MYOM1: variants seen among roughly 807,000 people sequenced by gnomAD.
The protein encoded by MYOM1 is myomesin 1.
A neutral mutation model predicts 205.3 loss-of-function variants in MYOM1; 164 were observed. That is an observed-to-expected ratio of 0.80 (90% CI 0.70 to 0.91). The LOEUF (loss-of-function observed/expected upper bound fraction) is 0.91. MYOM1 is among the 40% of genes least tolerant of loss of function. The probability of loss-of-function intolerance (pLI) is 0.00; values close to 1 mark genes in which losing one functional copy is unlikely to be tolerated. For missense variants in MYOM1, 2,011 were observed against 2,127.3 expected (o/e 0.95, Z 1.08); for synonymous variants, 772 against 789.4 (o/e 0.98, Z 0.37).
chr18:3,091,182 G>A (rs1433430638), intron 26 of MYOM1, among the ~76,000 whole-genome samples: 6 of 152,116 alleles, frequency 3.9e-5, no homozygotes, highest in Non-Finnish European at 7.4e-5. Context: ...CTGGTGTGGT[G>A]GGATGCGCCT....
chr18:3,177,758 C>T (rs1197915180), intron 5 of MYOM1, among the ~76,000 whole-genome samples: 1 of 152,180 alleles, frequency 6.6e-6, no homozygotes, highest in East Asian at 1.9e-4. Flanking sequence ...CAGGTGTGAG[C>T]CACTATGCTC....
At chr18:3,085,994 G>T in intron 30 of MYOM1, 44 bp downstream of exon 30, 1 of 1,238,672 alleles carries the variant, frequency 8.1e-7, no homozygotes. Context: ...TAAGATAGAG[G>T]GTAGAGAGCT....
chr18:3,137,713 C>T (rs183757951), intron 14 of MYOM1, among the ~76,000 whole-genome samples: 1 of 151,990 alleles, frequency 6.6e-6, no homozygotes, highest in Non-Finnish European at 1.5e-5. Context: ...CACAAAAATA[C>T]AATTAGAAGA....
chr18:3,094,419 G>C, intron 25 of MYOM1, 113 bp from the exon 26 acceptor site: 1 of 1,116,086 alleles, frequency 9.0e-7, no homozygotes, highest in Non-Finnish European at 1.2e-6. Context: ...TGACAATGTA[G>C]CACCTGCTTC....
intron 20 of MYOM1, among the ~76,000 whole-genome samples, chr18:3,118,049 G>A (rs968418632): frequency 2.0e-4 from 30 of 152,104 alleles, no homozygotes; most frequent in African/African-American, 6.5e-4. Flanking sequence ...TTTCCTAGCA[G>A]CTCTAGTCTA....
At chr18:3,099,736 A>G (rs1189797733) in intron 25 of MYOM1, among the ~76,000 whole-genome samples, 5 of 152,252 alleles carry the variant, frequency 3.3e-5, no homozygotes, top group Non-Finnish European at 7.3e-5. Context: ...CACTGTCTTT[A>G]TATTGTCTTT....
At chr18:3,225,598 G>T in the MYOM1 span, among the ~76,000 whole-genome samples, 2 of 152,170 alleles carry the variant, frequency 1.3e-5, no homozygotes, top group Non-Finnish European at 2.9e-5. Flanking sequence ...CAAAGGCTTG[G>T]CACCTCTCTT....
intron 34 of MYOM1, among the ~76,000 whole-genome samples, chr18:3,077,147 G>A (rs2079029276): frequency 6.6e-6 from 1 of 151,886 alleles, no homozygotes; most frequent in South Asian, 2.1e-4. Flanking sequence ...CGAGTAGCTG[G>A]GACTATAGGT....
chr18:3,193,367 C>A (rs1342464563), intron 3 of MYOM1, among the ~76,000 whole-genome samples: 1 of 146,904 alleles, frequency 6.8e-6, no homozygotes, highest in Non-Finnish European at 1.5e-5. Context: ...TATATACACA[C>A]ACACACACAC....
At chr18:3,205,818 G>A (rs1480674582) in intron 2 of MYOM1, among the ~76,000 whole-genome samples, 4 of 152,190 alleles carry the variant, frequency 2.6e-5, no homozygotes, top group East Asian at 1.9e-4. Flanking sequence ...AAATCCTCAC[G>A]GGTTTATTTC....
chr18:3,207,773 T>C (rs1379725309), intron 2 of MYOM1, among the ~76,000 whole-genome samples: 1 of 152,188 alleles, frequency 6.6e-6, no homozygotes, highest in Non-Finnish European at 1.5e-5. Context: ...AGCTTTGCCC[T>C]TCCTCCGCCT....
At position 3,142,033 on chromosome 18, in the gene MYOM1, AG is replaced by A. The variant is rs1272153957; in HGVS notation, c.1930del (p.Leu644SerfsTer43). 1.2e-6 allele frequency: 2 copies of A among 1,613,820 alleles called. No individual in the cohort carries two copies. The highest frequency in any genetic ancestry group is 3.3e-5 in the Admixed American group (2 of 60,020). On this transcript the variant is annotated frameshift_variant, in exon 14 of 38. Transcript: ENST00000356443. LOFTEE classifies it high-confidence loss of function. ...EGIVPGPPTD[L>X]SVTEATRSYV... ...GCTCCGGGTGGCCTCAGTGACAGAG[AG>A]GTCTGTCGGGGGGCCAGGCACAATA...
intron 33 of MYOM1, among the ~76,000 whole-genome samples, chr18:3,080,372 CAT>C (rs2079070605): frequency 6.6e-6 from 1 of 151,854 alleles, no homozygotes; most frequent in African/African-American, 2.4e-5. Context: ...CTTTGGAAAA[CAT>C]AGAAAAACAA....
At chr18:3,227,051 T>A in the MYOM1 span, among the ~76,000 whole-genome samples, 1 of 152,270 alleles carries the variant, frequency 6.6e-6, no homozygotes, top group African/African-American at 2.4e-5. Flanking sequence ...TGGAGGTGAG[T>A]ATTAGAAAGC....
chr18:3,181,479 G>GT (rs1185563827), intron 5 of MYOM1, among the ~76,000 whole-genome samples: 2 of 152,050 alleles, frequency 1.3e-5, no homozygotes, highest in South Asian at 2.1e-4. Flanking sequence ...AATATAAGCT[G>GT]TTTTTTCTAT....
chr18:3,133,528 T>C (rs1598707371), intron 16 of MYOM1, among the ~76,000 whole-genome samples: 3 of 152,222 alleles, frequency 2.0e-5, no homozygotes, highest in African/African-American at 7.2e-5. Context: ...TTGGTGTAAC[T>C]ATGTCTGCTT....
intron 27 of MYOM1, 57 bp from the exon 28 acceptor site, chr18:3,089,653 G>A (rs1293148394): frequency 1.5e-6 from 2 of 1,344,150 alleles, no homozygotes; most frequent in Non-Finnish European, 2.1e-6. Flanking sequence ...AAATGCACAT[G>A]TCAGCCACTG....
intron 5 of MYOM1, among the ~76,000 whole-genome samples, chr18:3,185,231 T>C (rs1161355571): frequency 6.6e-6 from 1 of 152,248 alleles, no homozygotes; most frequent in Non-Finnish European, 1.5e-5. Context: ...ATCAGCGGTA[T>C]GTGGCCGGGT....
chr18:3,136,211 T>G (rs1301051050), intron 14 of MYOM1, among the ~76,000 whole-genome samples: 1 of 152,138 alleles, frequency 6.6e-6, no homozygotes, highest in African/African-American at 2.4e-5. Flanking sequence ...GTGAGTCCAT[T>G]AAACCTCTTT....
Sources: gnomAD v4.1 joint callset for allele counts (sites outside exome capture counted in the v4.1 genomes callset) on GRCh38, gnomAD v4.1.1 for gene constraint, MANE v1.5 for transcripts, NCBI Gene and HGNC (gene_info 2026-07-23, HGNC 2026-07-21) for gene names.